The following SLC1A4 variants were observed in gnomAD, a reference collection of about 807,000 sequenced individuals.
SLC1A4 encodes neutral amino acid transporter A.
Under a neutral mutation model 37.7 loss-of-function variants are expected in SLC1A4, and 19 were observed. That is an observed-to-expected ratio of 0.50 (90% CI 0.35 to 0.74). The LOEUF is 0.74. Ranked by LOEUF, SLC1A4 falls within the 30% of genes least tolerant of loss-of-function variation. The pLI, the probability that SLC1A4 is intolerant of heterozygous loss-of-function variation, is 0.01. For missense variants in SLC1A4, 570 were observed against 712.9 expected, an observed-to-expected ratio of 0.80 and a Z score of 2.28; for synonymous variants, 299 against 309.8, an observed-to-expected ratio of 0.97 and a Z score of 0.37.
intron 2 of SLC1A4, among the ~76,000 whole-genome samples, chr2:65,002,562 T>G (rs1673509493): frequency 6.9e-6 from 1 of 144,940 alleles, no homozygotes; most frequent in African/African-American, 2.5e-5. Flanking sequence ...AACAGTCCTG[T>G]GACCATTCTT....
intron 1 of SLC1A4, among the ~76,000 whole-genome samples, chr2:64,999,256 C>A (rs1673375078): frequency 6.6e-6 from 1 of 152,164 alleles, no homozygotes; most frequent in African/African-American, 2.4e-5. Context: ...TTTAATTCAG[C>A]TAAAGATTAA....
intron 1 of SLC1A4, among the ~76,000 whole-genome samples, chr2:64,994,444 T>C (rs752886242): frequency 5.3e-5 from 8 of 152,250 alleles, no homozygotes; most frequent in Non-Finnish European, 1.5e-5. Context: ...GCCAGAAGAA[T>C]GGCCGAGGGC....
In SLC1A4 at chr2:65,021,373, A is replaced by C; in HGVS notation, c.*227A>C. 1 of 564,808 alleles carries C rather than the reference A, an allele frequency of 1.8e-6. No homozygotes were observed. Among genetic ancestry groups the C allele is most frequent in the South Asian group, 2.1e-5 (1 of 47,168 alleles). The allele number at this position is 564,808 out of a possible 1,614,324, so 35.0% of individuals were successfully genotyped here. On this transcript the variant is annotated 3_prime_UTR_variant, in exon 8 of 8. Coordinates refer to ENST00000234256, the MANE Select transcript of SLC1A4 (RefSeq NM_003038.5). ...CTGACATTCGGCTTGATCCATGTCC[A>C]GGTGCAACTGTGTGTACACCAGGGA...
At chr2:65,010,541 A>G (rs766218198) in intron 3 of SLC1A4, 56 bp from the exon 4 acceptor site, 101 of 1,437,854 alleles carry the variant, frequency 7.0e-5, no homozygotes, top group Non-Finnish European at 8.3e-5. Flanking sequence ...AAGCAAATAC[A>G]TCTTTAATTC....
At chr2:65,011,006 C>A (rs1267005933) in intron 4 of SLC1A4, among the ~76,000 whole-genome samples, 1 of 152,226 alleles carries the variant, frequency 6.6e-6, no homozygotes, top group Non-Finnish European at 1.5e-5. Context: ...AGTGTCCACA[C>A]TGACCCCTTG....
At chr2:65,016,768 C>A in intron 5 of SLC1A4, 95 bp downstream of exon 5, 1 of 797,780 alleles carries the variant, frequency 1.3e-6, no homozygotes, top group Non-Finnish European at 2.1e-6. Context: ...TCTTGACATA[C>A]TTTAATTCCT....
intron 3 of SLC1A4, among the ~76,000 whole-genome samples, chr2:65,004,724 T>C (rs908545096): frequency 2.6e-5 from 4 of 152,162 alleles, no homozygotes; most frequent in African/African-American, 9.7e-5. Flanking sequence ...AAATAATCCA[T>C]ATTTTACCAT....
In SLC1A4 at chr2:65,022,687, T is replaced by C. The variant is rs1314337096; in HGVS notation, c.*1541T>C. 6.6e-6 allele frequency: 1 copy of C among 152,216 alleles called. No individual in the cohort carries two copies. Among genetic ancestry groups the C allele is most frequent in the South Asian group, 2.1e-4 (1 of 4,834 alleles). 9.4% of individuals were successfully genotyped at this position (152,216 alleles called of 1,614,324 possible). ...TGTGTAGTTACTTGACAGCATCAAA[T>C]GCCGCCTCTTCCTAATGTCCTTCAA... On this transcript the variant is annotated 3_prime_UTR_variant, in exon 8 of 8. Transcript: ENST00000234256.
At chr2:64,999,980 TG>T (rs1003115737) in intron 1 of SLC1A4, 10 of 152,166 alleles carry the variant, frequency 6.6e-5, no homozygotes, top group Non-Finnish European at 1.3e-4. Flanking sequence ...TCTTAGACTC[TG>T]CCTGCCACAG....
chr2:65,003,798 C>T (rs549071739), intron 2 of SLC1A4, among the ~76,000 whole-genome samples, 155 bp from the exon 3 acceptor site: 1 of 152,270 alleles, frequency 6.6e-6, no homozygotes, highest in African/African-American at 2.4e-5. Context: ...TCACAGTTCT[C>T]AGAGGCTTTT....
intron 1 of SLC1A4, among the ~76,000 whole-genome samples, chr2:64,998,165 A>G (rs1018347398): frequency 1.3e-5 from 2 of 152,204 alleles, no homozygotes; most frequent in African/African-American, 4.8e-5. Flanking sequence ...TGAACCTCGG[A>G]GGCGGAGCTT....
At position 65,018,791 on chromosome 2, in the gene SLC1A4, T is replaced by C; in HGVS notation, c.1364+112T>C. The C allele has an allele frequency of 2.3e-6, 3 of 1,287,772 alleles. No individual in the cohort carries two copies. The highest frequency in any genetic ancestry group is 3.2e-6 in the Non-Finnish European group (3 of 927,096). The allele number at this position is 1,287,772 out of a possible 1,614,324, so 79.8% of individuals were successfully genotyped here. ...AAACTTCAGACACACTCCAGCCTTG[T>C]GAAGGAGGCTACAGTGGAGCTAAAA... On this transcript the variant is annotated intron_variant, in intron 7 of 7. Coordinates refer to ENST00000234256, the MANE Select transcript of SLC1A4 (RefSeq NM_003038.5). The surrounding 1 kb of genome is among the most constrained non-coding windows in gnomAD (Gnocchi z 4.3).
Position 65,022,351 on chromosome 2 carries a change from G to A in SLC1A4, c.*1205G>A, listed in dbSNP as rs1402078426. ...GCTAAGTGAAGGGGAAGATCTGAGA[G>A]CGTGCTGTTTGTGGCTGTTGATGCA... On this transcript the variant is annotated 3_prime_UTR_variant, in exon 8 of 8. Coordinates refer to ENST00000234256, the MANE Select transcript of SLC1A4 (RefSeq NM_003038.5). The A allele has an allele frequency of 5.3e-5, 8 of 152,260 alleles. No individual in the cohort carries two copies. Among genetic ancestry groups the A allele is most frequent in the Admixed American group, 3.3e-4 (5 of 15,286 alleles). 9.4% of individuals were successfully genotyped at this position (152,260 alleles called of 1,614,324 possible). A position where few individuals can be genotyped will look rare whatever the true frequency, so the allele number is the denominator to read the frequency against.
At chr2:65,007,277 TGTG>T (rs879634161) in intron 3 of SLC1A4, among the ~76,000 whole-genome samples, 25 of 75,148 alleles carry the variant, frequency 3.3e-4, no homozygotes, top group Middle Eastern at 6.3e-3. Flanking sequence ...TGTTTGTGTG[TGTG>T]TGTGTGTGTC....
intron 2 of SLC1A4, among the ~76,000 whole-genome samples, chr2:65,002,873 G>A (rs1242251998): frequency 7.9e-5 from 12 of 152,042 alleles, no homozygotes. Context: ...ACTGTGCCTG[G>A]TCTCCTATGA....
chr2:64,996,492 A>G (rs1673257344), intron 1 of SLC1A4, among the ~76,000 whole-genome samples: 1 of 152,242 alleles, frequency 6.6e-6, no homozygotes, highest in African/African-American at 2.4e-5. Context: ...TGATGTGCAG[A>G]GGCGAACACA....
chr2:64,990,377 A>T (rs1273949645), intron 1 of SLC1A4, among the ~76,000 whole-genome samples: 1 of 152,190 alleles, frequency 6.6e-6, no homozygotes, highest in Non-Finnish European at 1.5e-5. Context: ...CGCACCGCAC[A>T]ATCGAAAGAG....
At chr2:65,001,178 G>A (rs1417736559) in intron 1 of SLC1A4, 1 of 380,418 alleles carries the variant, frequency 2.6e-6, no homozygotes, top group Non-Finnish European at 4.7e-6. Context: ...GGTGGAGAGA[G>A]AACACTGTGT....
In SLC1A4 at chr2:64,991,335, A is replaced by C. The variant is rs201010281; in HGVS notation, c.527+1165A>C. Among the ~76,000 whole-genome samples, 217 of 149,050 alleles carry C rather than the reference A, an allele frequency of 1.5e-3. 1 individual carries two copies. The highest frequency in any genetic ancestry group is 4.2e-3 in the African/African-American group (170 of 40,652). The stretch of plus-strand genomic sequence containing the variant: ...TTTAAAAACAAACAAACAACAACAA[A>C]AAAAAACCACTCATGAGGGAGACCA... On this transcript the variant is annotated intron_variant, in intron 1 of 7. Transcript: ENST00000234256.
Sources: gnomAD v4.1 joint callset for allele counts (sites outside exome capture counted in the v4.1 genomes callset) on GRCh38, gnomAD v4.1.1 for gene constraint, Gnocchi (gnomAD v3.1) non-coding constraint, MANE v1.5 for transcripts, NCBI Gene and HGNC (gene_info 2026-07-23, HGNC 2026-07-21) for gene names.